The following PTPRN2 variants were observed in gnomAD, a reference collection of about 807,000 sequenced individuals.
PTPRN2 encodes protein tyrosine phosphatase receptor type N2, also known as receptor-type tyrosine-protein phosphatase N2.
Under a neutral mutation model 118.8 loss-of-function variants are expected in PTPRN2, and 74 were observed. That is an observed-to-expected ratio of 0.62 (90% CI 0.52 to 0.76). The LOEUF (loss-of-function observed/expected upper bound fraction) is 0.76, where lower values mean the gene tolerates loss of function less well. PTPRN2 is among the 30% of genes least tolerant of loss of function. The pLI, the probability that PTPRN2 is intolerant of heterozygous loss-of-function variation, is 0.00. For missense variants in PTPRN2, 1,481 were observed against 1,394.4 expected (o/e 1.06, Z -0.99); for synonymous variants, 641 against 608.0 (o/e 1.05, Z -0.80).
chr7:158,415,765 T>C (rs942117362), intron 2 of PTPRN2, among the ~76,000 whole-genome samples: 12 of 152,178 alleles, frequency 7.9e-5, no homozygotes, highest in African/African-American at 2.9e-4. Context: ...ATTCAATTGA[T>C]AAATGAGAAA....
chr7:158,313,862 C>A (rs1802073683), intron 3 of PTPRN2, among the ~76,000 whole-genome samples: 1 of 152,210 alleles, frequency 6.6e-6, no homozygotes, highest in Non-Finnish European at 1.5e-5. Context: ...GAAAACTCAT[C>A]TCTGTTGGGG....
chr7:158,358,572 G>A (rs1267229963), intron 2 of PTPRN2, among the ~76,000 whole-genome samples: 1 of 152,254 alleles, frequency 6.6e-6, no homozygotes, highest in Non-Finnish European at 1.5e-5. Context: ...CAGCAGCTGA[G>A]GGGTGGAGAA....
intron 6 of PTPRN2, among the ~76,000 whole-genome samples, chr7:158,160,738 A>G (rs1305258872): frequency 2.0e-5 from 3 of 152,184 alleles, no homozygotes; most frequent in South Asian, 4.2e-4. Context: ...GCTTTTATAC[A>G]TCTCCCTTCC....
intron 15 of PTPRN2, 108 bp downstream of exon 15, chr7:157,621,253 TC>T: frequency 2.1e-6 from 1 of 476,986 alleles, no homozygotes; most frequent in Non-Finnish European, 2.9e-6. Flanking sequence ...GCCAGTTTCC[TC>T]CGCCCGGAAC....
chr7:157,767,300 G>A (rs1212140753), intron 12 of PTPRN2, among the ~76,000 whole-genome samples: 2 of 152,182 alleles, frequency 1.3e-5, no homozygotes, highest in Non-Finnish European at 1.5e-5. Flanking sequence ...AGGGGACCAC[G>A]GAAGCTTCTG....
chr7:158,207,361 C>G (rs1827238223), intron 3 of PTPRN2, among the ~76,000 whole-genome samples: 1 of 151,742 alleles, frequency 6.6e-6, no homozygotes, highest in African/African-American at 2.4e-5. Flanking sequence ...ATTTCTAGTT[C>G]TAGATCCCTG....
intron 11 of PTPRN2, among the ~76,000 whole-genome samples, chr7:157,900,741 G>A (rs113192279): frequency 5.9e-5 from 9 of 152,272 alleles, no homozygotes; most frequent in East Asian, 1.9e-4. Flanking sequence ...TCCTCAGCAC[G>A]GCCCTCTGTG....
intron 14 of PTPRN2, among the ~76,000 whole-genome samples, chr7:157,651,778 G>A (rs542527907): frequency 2.6e-5 from 4 of 152,338 alleles, no homozygotes; most frequent in Admixed American, 6.5e-5. Context: ...CTGCGAAGTC[G>A]CCTTCATCAC....
intron 2 of PTPRN2, among the ~76,000 whole-genome samples, chr7:158,418,469 T>C (rs7783640): frequency 0.45 from 60,305 of 134,820 alleles, 14,078 homozygotes; most frequent in Non-Finnish European, 0.49. Flanking sequence ...TGTTAAGTCA[T>C]GGTGTACTAC....
chr7:157,873,775 T>C (rs918923879), intron 12 of PTPRN2, among the ~76,000 whole-genome samples: 2 of 151,980 alleles, frequency 1.3e-5, no homozygotes, highest in Non-Finnish European at 2.9e-5. Flanking sequence ...TTTCAGGTAC[T>C]GAGGAGAGCG....
chr7:158,451,027 C>T (rs1263930197), intron 2 of PTPRN2, among the ~76,000 whole-genome samples: 2 of 152,232 alleles, frequency 1.3e-5, no homozygotes, highest in African/African-American at 2.4e-5. Context: ...CTGGTGCTTC[C>T]GGTTTTTGCC....
chr7:157,745,201 G>C (rs1048587723), intron 12 of PTPRN2, among the ~76,000 whole-genome samples: 2 of 152,142 alleles, frequency 1.3e-5, no homozygotes, highest in Non-Finnish European at 2.9e-5. Flanking sequence ...AGTCAGCAAC[G>C]GTGGCCCCTG....
At chr7:158,157,131 G>A (rs1821897784) in intron 6 of PTPRN2, among the ~76,000 whole-genome samples, 1 of 152,114 alleles carries the variant, frequency 6.6e-6, no homozygotes, top group African/African-American at 2.4e-5. Context: ...CCTGTTCCAT[G>A]TGGCTCTGGA....
chr7:157,668,510 C>T (rs965923469), intron 13 of PTPRN2, among the ~76,000 whole-genome samples: 2 of 152,168 alleles, frequency 1.3e-5, no homozygotes, highest in South Asian at 2.1e-4. Flanking sequence ...AGGAATTAAA[C>T]GTACAAAGCT....
Position 157,590,317 on chromosome 7 carries a change from T to C in PTPRN2, c.2496+4921A>G, listed in dbSNP as rs929956507. ...CCAGTTTACTACTTACTAGTAACACTGATTTCTGAACTGTAACTCAGACTT... is the reference window on the plus strand; with the variant it reads ...CCAGTTTACTACTTACTAGTAACACCGATTTCTGAACTGTAACTCAGACTT... On this transcript the variant is annotated intron_variant, in intron 17 of 22. Coordinates refer to ENST00000389418, the MANE Select transcript of PTPRN2 (RefSeq NM_002847.5). This position sits in a 1 kb window ranked among gnomAD's most constrained non-coding sequence, Gnocchi z 4.0. Among the ~76,000 whole-genome samples, 14 of 152,236 alleles carry C rather than the reference T, an allele frequency of 9.2e-5. No homozygotes were observed. The highest frequency in any genetic ancestry group is 3.4e-4 in the African/African-American group (14 of 41,464).
chr7:157,550,581 T>C lies in PTPRN2; in HGVS notation c.2903-1562A>G, dbSNP rs1408604158. On this transcript the variant is annotated intron_variant, in intron 21 of 22. Coordinates refer to ENST00000389418, the MANE Select transcript of PTPRN2 (RefSeq NM_002847.5). The surrounding 1 kb of genome is among the most constrained non-coding windows in gnomAD (Gnocchi z 5.2). ...GCACAGAAGATGGAGACACTGGCAT[T>C]TCCTGGCAGGAACAGGGCTCGTGGT... Among the ~76,000 whole-genome samples, 1 of 152,172 alleles carries C rather than the reference T, an allele frequency of 6.6e-6. No homozygotes were observed. The highest frequency in any genetic ancestry group is 2.4e-5 in the African/African-American group (1 of 41,452).
intron 5 of PTPRN2, among the ~76,000 whole-genome samples, chr7:158,179,092 T>C (rs776378710): frequency 1.3e-5 from 2 of 152,258 alleles, no homozygotes; most frequent in Non-Finnish European, 2.9e-5. Flanking sequence ...CTGTTTTCCA[T>C]AGATGTTGTA....
intron 2 of PTPRN2, among the ~76,000 whole-genome samples, chr7:158,360,574 T>A (rs71544582): frequency 1.4e-3 from 1 of 712 alleles, no homozygotes; most frequent in Non-Finnish European, 2.4e-3. Context: ...ACATCCACCC[T>A]CACCCAGGAC....
chr7:157,657,198 A>G (rs1795552213), intron 13 of PTPRN2, among the ~76,000 whole-genome samples: 1 of 140,730 alleles, frequency 7.1e-6, no homozygotes, highest in South Asian at 2.3e-4. Flanking sequence ...CACACACCAC[A>G]CACATCACAC....
Sources: allele counts gnomAD v4.1 joint callset (sites outside exome capture counted in the v4.1 genomes callset), GRCh38; gene constraint gnomAD v4.1.1; non-coding constraint Gnocchi (gnomAD v3.1); transcripts MANE v1.5; gene names NCBI Gene and HGNC (gene_info 2026-07-23, HGNC 2026-07-21).